Variants in DDX31 observed in about 807,000 individuals in gnomAD.
DDX31 encodes the protein DEAD-box helicase 31, also known as ATP-dependent DNA helicase DDX31.
A neutral mutation model predicts 91.3 loss-of-function variants in DDX31; 70 were observed. The observed-to-expected ratio is 0.77, with a 90% CI of 0.63 to 0.94. The LOEUF (loss-of-function observed/expected upper bound fraction) is 0.94, where lower values mean the gene tolerates loss of function less well. DDX31 is among the 40% of genes least tolerant of loss of function. The pLI, the probability that DDX31 is intolerant of heterozygous loss-of-function variation, is 0.00. For missense variants in DDX31, 902 were observed against 925.0 expected (o/e 0.98, Z 0.32); for synonymous variants, 362 against 350.6 (o/e 1.03, Z -0.36).
chr9:132,656,022 T>C (rs1464668491), intron 6 of DDX31, among the ~76,000 whole-genome samples: 1 of 151,902 alleles, frequency 6.6e-6, no homozygotes, highest in Non-Finnish European at 1.5e-5. Context: ...TTTCAAAAGG[T>C]GTTACTACAT....
rs184017493 is a variant in DDX31, at chr9:132,667,383, A to C, written c.75+2477T>G. Among the ~76,000 whole-genome samples, 792 of 151,728 alleles carry C rather than the reference A, an allele frequency of 5.2e-3. 14 individuals carry two copies. The highest frequency in any genetic ancestry group is 3.8e-3 in the Non-Finnish European group (259 of 67,914). ...TGGGAGGCCGAGGTGGGCAGATCAC[A>C]AGGTCGGGAGATGGAGACCATCCTG... On this transcript the variant is annotated intron_variant, in intron 1 of 19. Coordinates refer to ENST00000372159, the MANE Select transcript of DDX31 (RefSeq NM_022779.9).
At chr9:132,622,783 C>T (rs1832124076) in intron 17 of DDX31, among the ~76,000 whole-genome samples, 1 of 152,230 alleles carries the variant, frequency 6.6e-6, no homozygotes, top group South Asian at 2.1e-4. Context: ...AATTCCACAT[C>T]TGCTACTAAC....
chr9:132,599,797 A>G (rs1174772993), intron 19 of DDX31, among the ~76,000 whole-genome samples: 1 of 152,246 alleles, frequency 6.6e-6, no homozygotes, highest in African/African-American at 2.4e-5. Flanking sequence ...GAGGCTGCTT[A>G]TAAGCACATG....
intron 16 of DDX31, among the ~76,000 whole-genome samples, chr9:132,628,016 G>T (rs1028201387): frequency 6.6e-6 from 1 of 152,226 alleles, no homozygotes; most frequent in African/African-American, 2.4e-5. Flanking sequence ...GTTAATAGGG[G>T]TTTTGTTGTT....
chr9:132,661,272 G>A, intron 3 of DDX31, 21 bp from the exon 4 acceptor site: 1 of 1,556,350 alleles, frequency 6.4e-7, no homozygotes, highest in South Asian at 1.1e-5. Context: ...AGATGAAAAA[G>A]CTTTAATTAA....
At chr9:132,669,612 A>G in intron 1 of DDX31, 2 of 1,521,876 alleles carry the variant, frequency 1.3e-6, no homozygotes, top group Non-Finnish European at 1.8e-6. Flanking sequence ...TTACTTTTCT[A>G]GGCGCAGGAG....
chr9:132,608,389 G>A (rs1831139670), intron 19 of DDX31, among the ~76,000 whole-genome samples: 1 of 152,104 alleles, frequency 6.6e-6, no homozygotes, highest in South Asian at 2.1e-4. Context: ...ATCTCATTTG[G>A]GGCCACGAAC....
At chr9:132,637,593 CAA>C (rs903894065) in intron 14 of DDX31, among the ~76,000 whole-genome samples, 2 of 152,206 alleles carry the variant, frequency 1.3e-5, no homozygotes, top group African/African-American at 4.8e-5. Flanking sequence ...CCCGGCCTGC[CAA>C]AAGTCATTAC....
At chr9:132,637,868 C>A in intron 14 of DDX31, 2 of 987,306 alleles carry the variant, frequency 2.0e-6, no homozygotes, top group Non-Finnish European at 2.4e-6. Flanking sequence ...GAGAAAAGCA[C>A]GAAAGTCTAC....
Position 132,658,702 on chromosome 9 carries a change from T to G in DDX31, c.557A>C (p.Gln186Pro). Residue 186 changes from glutamine to proline, a missense_variant, in exon 6 of 20, where the codon CAG (glutamine) becomes CCG (proline). By Grantham distance (76) the Gln-to-Pro change is moderately conservative. Transcript: ENST00000372159. ...TTTTGACTCCATTGCTTGAAGGGAC[T>G]GGACCACAGGGATGCAATAGGCAAG... is the stretch of plus-strand genomic sequence containing the variant. ...KTLAYCIPVV[Q>P]SLQAMESKIQ... 1.2e-6 allele frequency: 2 copies of G among 1,613,912 alleles called. No homozygotes were observed. The highest frequency in any genetic ancestry group is 1.7e-6 in the Non-Finnish European group (2 of 1,179,934).
intron 1 of DDX31, chr9:132,663,228 A>G (rs923072761): frequency 7.8e-7 from 1 of 1,289,022 alleles, no homozygotes; most frequent in Non-Finnish European, 1.0e-6. Flanking sequence ...TTACCATTCT[A>G]CCCTAGCGCC....
chr9:132,638,441 T>C, intron 14 of DDX31: 2 of 1,598,768 alleles, frequency 1.3e-6, no homozygotes, highest in Non-Finnish European at 8.6e-7. Context: ...TAATTCCACT[T>C]GGGAAAGTGG....
chr9:132,663,217 A>G, intron 1 of DDX31: 4 of 1,289,270 alleles, frequency 3.1e-6, no homozygotes, highest in Middle Eastern at 2.1e-4. Context: ...GGAAACATTC[A>G]TTACCATTCT....
intron 9 of DDX31, among the ~76,000 whole-genome samples, chr9:132,649,377 C>T (rs306539): frequency 0.8 from 121,013 of 152,192 alleles, 48,796 homozygotes; most frequent in African/African-American, 0.94. Context: ...TCTCTGTACC[C>T]GCTGGCAAGA....
chr9:132,593,836 G>C lies in DDX31; in HGVS notation c.*1030C>G, dbSNP rs1161387360. The C allele has an allele frequency of 6.6e-6, 1 of 152,548 alleles. No individual in the cohort carries two copies. The highest frequency in any genetic ancestry group is 1.5e-5 in the Non-Finnish European group (1 of 68,364). 9.4% of individuals were successfully genotyped at this position (152,548 alleles called of 1,614,324 possible). A position where few individuals can be genotyped will look rare whatever the true frequency, so the allele number is the denominator to read the frequency against. ...CAGAGGGCGGCACAGTCACTGCAGA[G>C]GAGAAGGAAACTGAGAAGGCAAGAC... On this transcript the variant is annotated 3_prime_UTR_variant, in exon 20 of 20. Coordinates refer to ENST00000372159, the MANE Select transcript of DDX31 (RefSeq NM_022779.9).
At chr9:132,641,704 C>T (rs1022251530) in intron 14 of DDX31, among the ~76,000 whole-genome samples, 1 of 152,210 alleles carries the variant, frequency 6.6e-6, no homozygotes, top group Non-Finnish European at 1.5e-5. Context: ...TAATTACTCC[C>T]GATAGCTGTA....
chr9:132,669,946 G>A lies in DDX31; in HGVS notation c.-12C>T. 2 of 1,586,342 alleles carry A rather than the reference G, an allele frequency of 1.3e-6. No individual in the cohort carries two copies. The highest frequency in any genetic ancestry group is 2.3e-5 in the East Asian group (1 of 43,402). On this transcript the variant is annotated 5_prime_UTR_variant, in exon 1 of 20. Coordinates refer to ENST00000372159, the MANE Select transcript of DDX31 (RefSeq NM_022779.9). ...TCGGCGGCTGCCATGGTCTGCGTGG[G>A]TGACGCGTGGTGCAGCAGCGAGCCC... is the stretch of plus-strand genomic sequence containing the variant.
chr9:132,662,201 C>T, intron 3 of DDX31, 60 bp downstream of exon 3: 1 of 1,570,708 alleles, frequency 6.4e-7, no homozygotes, highest in Non-Finnish European at 8.7e-7. Flanking sequence ...TTTCACAGAC[C>T]TTCTGAACGG....
chr9:132,645,934 T>C lies in DDX31; in HGVS notation c.1341A>G (p.Arg447=). The part of the protein sequence containing the change: ...ASGQLPSASM[R]LKFLRLHGGM... ...CGCCATGCAGCCGTAGGAATTTTAA[T>C]CGCATGGAGGCAGATGGCAACTGCC... Residue 447 remains arginine, a synonymous_variant, in exon 13 of 20, where the codon CGA becomes CGG. Transcript: ENST00000372159. 1 of 1,613,770 alleles carries C rather than the reference T, an allele frequency of 6.2e-7. No individual in the cohort carries two copies. Among genetic ancestry groups the C allele is most frequent in the Non-Finnish European group, 8.5e-7 (1 of 1,179,834 alleles).
Sources: gnomAD v4.1 joint callset for allele counts (sites outside exome capture counted in the v4.1 genomes callset) on GRCh38, gnomAD v4.1.1 for gene constraint, MANE v1.5 for transcripts, NCBI Gene and HGNC (gene_info 2026-07-23, HGNC 2026-07-21) for gene names.